The following SCFD2 variants were observed in gnomAD, a reference collection of about 807,000 sequenced individuals.
SCFD2 encodes sec1 family domain containing 2, also known as sec1 family domain-containing protein 2.
In SCFD2, 54 loss-of-function variants were observed where a neutral mutation model predicts 58.9. The observed-to-expected ratio is 0.92, with a 90% CI of 0.74 to 1.15. The LOEUF is 1.15. SCFD2 is among the 50% of genes most tolerant of loss of function. SCFD2 has a pLI of 0.00. For synonymous variants in SCFD2, 321 were observed against 335.9 expected (o/e 0.96, Z 0.49); for missense variants, 805 against 836.6 (o/e 0.96, Z 0.47).
intron 5 of SCFD2, among the ~76,000 whole-genome samples, chr4:52,926,873 G>A (rs1243894602): frequency 6.6e-6 from 1 of 152,150 alleles, no homozygotes; most frequent in Non-Finnish European, 1.5e-5. Context: ...GTCTGACAAC[G>A]CCTTTTCTCT....
intron 4 of SCFD2, among the ~76,000 whole-genome samples, chr4:53,219,896 C>T (rs1306508010): frequency 6.6e-6 from 1 of 152,192 alleles, no homozygotes; most frequent in Non-Finnish European, 1.5e-5. Flanking sequence ...CTGCCAAGGT[C>T]TACAAGGCCT....
Position 53,084,509 on chromosome 4 carries a change from C to T in SCFD2, c.1561+60824G>A, listed in dbSNP as rs180781765. On this transcript the variant is annotated intron_variant, in intron 5 of 8. Transcript: ENST00000401642. ...AATTATCACAGTGGTCCTGAGGTGACGTACATCCTCAGCTTACGAAGATAA... is the reference window on the plus strand; with the variant it reads ...AATTATCACAGTGGTCCTGAGGTGATGTACATCCTCAGCTTACGAAGATAA... Among the ~76,000 whole-genome samples the T allele has an allele frequency of 7.2e-4, 109 of 152,166 alleles. No homozygotes were observed. The East Asian group carries it at 0.018, about 25-fold the overall frequency.
chr4:53,169,236 C>T (rs934913621), intron 4 of SCFD2, among the ~76,000 whole-genome samples: 12 of 152,012 alleles, frequency 7.9e-5, no homozygotes, highest in African/African-American at 2.4e-4. Context: ...ATTAGCTGGG[C>T]GCCTGTAATC....
intron 5 of SCFD2, among the ~76,000 whole-genome samples, chr4:52,929,125 G>C (rs995456508): frequency 4.6e-5 from 7 of 152,006 alleles, no homozygotes; most frequent in African/African-American, 1.4e-4. Flanking sequence ...AACTATACGT[G>C]GTTTAGGTAT....
At chr4:52,900,409 G>C (rs1719157933) in intron 7 of SCFD2, among the ~76,000 whole-genome samples, 1 of 152,262 alleles carries the variant, frequency 6.6e-6, no homozygotes, top group South Asian at 2.1e-4. Flanking sequence ...GCTTACTGGA[G>C]GTCCACTGTT....
intron 5 of SCFD2, among the ~76,000 whole-genome samples, chr4:53,100,744 A>C (rs1278231213): frequency 6.6e-6 from 1 of 152,206 alleles, no homozygotes; most frequent in African/African-American, 2.4e-5. Flanking sequence ...GCTTTACTTC[A>C]GCATTATTCT....
chr4:53,227,946 T>C (rs1729277753), intron 4 of SCFD2, among the ~76,000 whole-genome samples: 1 of 152,178 alleles, frequency 6.6e-6, no homozygotes, highest in African/African-American at 2.4e-5. Flanking sequence ...AGCTCTTCAA[T>C]GTAGTGTGGT....
At chr4:53,199,220 T>C (rs759377228) in intron 4 of SCFD2, among the ~76,000 whole-genome samples, 10 of 152,110 alleles carry the variant, frequency 6.6e-5, no homozygotes, top group African/African-American at 1.7e-4. Flanking sequence ...CATTTCCTTC[T>C]AATAATAACA....
intron 5 of SCFD2, among the ~76,000 whole-genome samples, chr4:52,942,577 G>A (rs969774482): frequency 7.2e-5 from 11 of 152,276 alleles, no homozygotes; most frequent in South Asian, 2.1e-4. Flanking sequence ...TTCAATATGG[G>A]TGATAAAAGT....
rs573291383 is a variant in SCFD2 at position 53,344,318 on chromosome 4, G to A, written c.1007+8280C>T. On this transcript the variant is annotated intron_variant, in intron 2 of 8. Coordinates refer to ENST00000401642, the MANE Select transcript of SCFD2 (RefSeq NM_152540.4). ...TATGCACCGATAACAGACAAACTGA[G>A]AGCCAAATCATGAGTGAACTCCCAT... Among the ~76,000 whole-genome samples the A allele has an allele frequency of 2.0e-5, 3 of 152,188 alleles. No individual in the cohort carries two copies. In the East Asian group the frequency reaches 5.8e-4, roughly 29 times the overall value.
At chr4:53,304,622 T>C (rs1732454857) in intron 3 of SCFD2, among the ~76,000 whole-genome samples, 1 of 151,948 alleles carries the variant, frequency 6.6e-6, no homozygotes, top group Non-Finnish European at 1.5e-5. Context: ...ATTCAGCTAT[T>C]GATACTTGTG....
At chr4:53,138,777 T>C (rs950695162) in intron 5 of SCFD2, among the ~76,000 whole-genome samples, 12 of 152,198 alleles carry the variant, frequency 7.9e-5, no homozygotes, top group Non-Finnish European at 2.9e-5. Flanking sequence ...TGCCTTTCCA[T>C]ACAAGGGAAG....
At chr4:53,287,955 T>C (rs1731721144) in intron 3 of SCFD2, among the ~76,000 whole-genome samples, 1 of 152,118 alleles carries the variant, frequency 6.6e-6, no homozygotes, top group Admixed American at 6.5e-5. Context: ...AAAAATATAA[T>C]TGGGCTGGGA....
intron 5 of SCFD2, chr4:52,957,554 G>T (rs769367040): frequency 6.6e-6 from 1 of 152,198 alleles, no homozygotes; most frequent in Non-Finnish European, 1.5e-5. Flanking sequence ...CATACTAACC[G>T]GCTCCAATAG....
At chr4:53,315,607 G>A (rs144687539) in intron 2 of SCFD2, among the ~76,000 whole-genome samples, 2 of 152,302 alleles carry the variant, frequency 1.3e-5, no homozygotes, top group African/African-American at 4.8e-5. Context: ...CTTTCAGAAA[G>A]TTACTTAATT....
intron 3 of SCFD2, among the ~76,000 whole-genome samples, chr4:53,294,892 G>A (rs1183681727): frequency 6.6e-6 from 1 of 152,192 alleles, no homozygotes; most frequent in Non-Finnish European, 1.5e-5. Context: ...TTATTAAATA[G>A]GGAATTCTTT....
intron 5 of SCFD2, among the ~76,000 whole-genome samples, chr4:52,952,164 T>C (rs1720609527): frequency 6.6e-6 from 1 of 150,860 alleles, no homozygotes; most frequent in South Asian, 2.1e-4. Flanking sequence ...TTCTACTTTC[T>C]CTCTGTTCGT....
chr4:53,347,741 G>A (rs1734096968), intron 2 of SCFD2, among the ~76,000 whole-genome samples: 1 of 152,172 alleles, frequency 6.6e-6, no homozygotes, highest in African/African-American at 2.4e-5. Flanking sequence ...GAAAAGAAGA[G>A]ACACAGTCAG....
intron 1 of SCFD2, among the ~76,000 whole-genome samples, chr4:53,360,346 T>C (rs1300425230): frequency 6.6e-6 from 1 of 152,218 alleles, no homozygotes; most frequent in Non-Finnish European, 1.5e-5. Context: ...TTAAAATCTA[T>C]CTTCCAAAGT....
Sources: allele counts gnomAD v4.1 joint callset (sites outside exome capture counted in the v4.1 genomes callset), GRCh38; gene constraint gnomAD v4.1.1; transcripts MANE v1.5; gene names NCBI Gene and HGNC (gene_info 2026-07-23, HGNC 2026-07-21).